ASCC1: variants seen among roughly 807,000 people sequenced by gnomAD.
ASCC1 encodes the protein activating signal cointegrator 1 complex subunit 1, also known as ASC-1 complex subunit P50.
Under a neutral mutation model 46.6 loss-of-function variants are expected in ASCC1, and 35 were observed. That is an observed-to-expected ratio of 0.75 (90% CI 0.57 to 0.99). The LOEUF (loss-of-function observed/expected upper bound fraction) is 0.99. Among genes scored for constraint, ASCC1 ranks in the 50% least tolerant of loss-of-function variants. The pLI, the probability that ASCC1 is intolerant of heterozygous loss-of-function variation, is 0.00. For synonymous variants in ASCC1, 143 were observed against 146.6 expected (o/e 0.98, Z 0.18); for missense variants, 376 against 428.7 (o/e 0.88, Z 1.09).
chr10:72,100,791 C>A (rs147260120), intron 9 of ASCC1, among the ~76,000 whole-genome samples: 3 of 152,230 alleles, frequency 2.0e-5, no homozygotes, highest in East Asian at 3.8e-4. Flanking sequence ...TCCTACTGTA[C>A]TGTAACATTA....
intron 3 of ASCC1, among the ~76,000 whole-genome samples, chr10:72,209,801 T>C (rs1857787951): frequency 6.6e-6 from 1 of 150,906 alleles, no homozygotes; most frequent in South Asian, 2.1e-4. Flanking sequence ...ATAAATAAAT[T>C]AAATAAATTA....
chr10:72,207,829 T>G (rs1292906779), intron 3 of ASCC1, among the ~76,000 whole-genome samples: 4 of 144,978 alleles, frequency 2.8e-5, no homozygotes, highest in African/African-American at 2.5e-5. Flanking sequence ...TTTTTTTTTT[T>G]GACACAGGAT....
chr10:72,189,622 G>T (rs1049492880), intron 5 of ASCC1, among the ~76,000 whole-genome samples: 5 of 151,736 alleles, frequency 3.3e-5, no homozygotes, highest in Non-Finnish European at 7.4e-5. Context: ...GACCAATATG[G>T]AGAAACCCCA....
intron 9 of ASCC1, among the ~76,000 whole-genome samples, chr10:72,101,555 G>T (rs928587660): frequency 6.6e-6 from 1 of 152,074 alleles, no homozygotes; most frequent in Non-Finnish European, 1.5e-5. Flanking sequence ...TGTTTGGAAG[G>T]TTCCTAGAGT....
chr10:72,158,579 C>T (rs1349671239), intron 6 of ASCC1, among the ~76,000 whole-genome samples: 2 of 152,196 alleles, frequency 1.3e-5, no homozygotes, highest in Non-Finnish European at 2.9e-5. Flanking sequence ...AAACAAAACT[C>T]CTGTTTTTGG....
intron 5 of ASCC1, chr10:72,189,885 ATAAGAT>A: frequency 1.6e-6 from 1 of 624,412 alleles, no homozygotes; most frequent in Admixed American, 2.5e-5. Flanking sequence ...TGTCTTCACT[ATAAGAT>A]TAAGAAAGTA....
At position 72,096,897 on chromosome 10, in the gene ASCC1, G is replaced by C. The variant is rs770283454; in HGVS notation, c.*437C>G. The C allele has an allele frequency of 2.2e-6, 1 of 454,068 alleles. No homozygotes were observed. Among genetic ancestry groups the C allele is most frequent in the Non-Finnish European group, 4.4e-6 (1 of 226,792 alleles). 28.1% of individuals were successfully genotyped at this position (454,068 alleles called of 1,614,324 possible). On this transcript the variant is annotated 3_prime_UTR_variant, in exon 10 of 10. Coordinates refer to ENST00000672957, the MANE Select transcript of ASCC1 (RefSeq NM_001198800.3). ...AGACAGAAAGCAGAATGGTGGCTGCGGGGGCTGGGAGGAGTGGGAATTACT... is the reference window on the plus strand; with the variant it reads ...AGACAGAAAGCAGAATGGTGGCTGCCGGGGCTGGGAGGAGTGGGAATTACT...
intron 7 of ASCC1, among the ~76,000 whole-genome samples, chr10:72,146,408 G>A (rs1253584485): frequency 6.6e-6 from 1 of 152,220 alleles, no homozygotes; most frequent in Non-Finnish European, 1.5e-5. Context: ...AGTCTCATCA[G>A]AGTGAACGTT....
At chr10:72,137,989 C>T (rs928431608) in intron 7 of ASCC1, among the ~76,000 whole-genome samples, 1 of 152,064 alleles carries the variant, frequency 6.6e-6, no homozygotes, top group African/African-American at 2.4e-5. Flanking sequence ...CTCAGTCTCC[C>T]GAGTAGCTGG....
At chr10:72,111,835 G>A (rs191431800) in intron 9 of ASCC1, among the ~76,000 whole-genome samples, 9 of 152,218 alleles carry the variant, frequency 5.9e-5, no homozygotes, top group African/African-American at 2.2e-4. Context: ...GTAGAGACGG[G>A]GTTTCACTGT....
intron 5 of ASCC1, among the ~76,000 whole-genome samples, chr10:72,173,759 T>C (rs1036940609): frequency 1.3e-5 from 2 of 152,190 alleles, no homozygotes; most frequent in African/African-American, 4.8e-5. Context: ...GAATATATCA[T>C]CATATTCCTG....
chr10:72,206,346 G>A (rs1348224543), intron 3 of ASCC1, among the ~76,000 whole-genome samples: 1 of 152,140 alleles, frequency 6.6e-6, no homozygotes, highest in Non-Finnish European at 1.5e-5. Flanking sequence ...AGAGGTTGTG[G>A]TGAGCCGAGA....
intron 9 of ASCC1, among the ~76,000 whole-genome samples, chr10:72,118,640 A>C (rs764780182): frequency 6.6e-6 from 1 of 150,782 alleles, no homozygotes; most frequent in Non-Finnish European, 1.5e-5. Context: ...TTAGCCGGTC[A>C]TGGTGGTGCA....
At chr10:72,216,858 ATTTG>A (rs1283055012), upstream of ASCC1, 13 of 456,036 alleles carry the variant, frequency 2.9e-5, no homozygotes, top group Middle Eastern at 3.2e-4. Context: ...CATCATCAGT[ATTTG>A]TTTGACAAAA....
chr10:72,107,451 G>A (rs889489545), intron 9 of ASCC1, among the ~76,000 whole-genome samples: 28 of 152,088 alleles, frequency 1.8e-4, no homozygotes, highest in African/African-American at 6.3e-4. Context: ...GACCAAATGT[G>A]GGAGGTAGGA....
intron 3 of ASCC1, chr10:72,204,582 T>C: frequency 6.7e-7 from 1 of 1,502,058 alleles, no homozygotes; most frequent in Non-Finnish European, 8.9e-7. Context: ...AGTTAAGAAC[T>C]CCTTGTCATC....
chr10:72,164,800 T>TA lies in ASCC1; in HGVS notation c.490-3127dup, dbSNP rs1206015514. ...CACATCTTCACTGACACTTGCTTTT[T>TA]AAAAAAATGATAGCGATCCTTGTGG... On this transcript the variant is annotated intron_variant, in intron 5 of 9. Coordinates refer to ENST00000672957, the MANE Select transcript of ASCC1 (RefSeq NM_001198800.3). Among the ~76,000 whole-genome samples, 5 of 152,134 alleles carry TA rather than the reference T, an allele frequency of 3.3e-5. No homozygotes were observed. In the South Asian group the frequency reaches 8.3e-4, roughly 25 times the overall value.
At chr10:72,133,259 T>C (rs943305688) in intron 7 of ASCC1, 78 bp from the exon 8 acceptor site, 19 of 1,453,584 alleles carry the variant, frequency 1.3e-5, no homozygotes, top group South Asian at 2.3e-5. Flanking sequence ...ACAATGTTTA[T>C]GGAGCATGTG....
rs147475804 is a variant in ASCC1 at position 72,177,250 on chromosome 10, T to C, written c.490-15576A>G. ...CTTTCCTACCCAACTTGGTAGGTTT[T>C]ACAATCAGAACTTGGGGCTTTTTAC... On this transcript the variant is annotated intron_variant, in intron 5 of 9. Coordinates refer to ENST00000672957, the MANE Select transcript of ASCC1 (RefSeq NM_001198800.3). Among the ~76,000 whole-genome samples, 599 of 152,296 alleles carry C rather than the reference T, an allele frequency of 3.9e-3. 2 individuals carry two copies. The highest frequency in any genetic ancestry group is 0.024 in the Middle Eastern group (7 of 294).
Sources: allele counts gnomAD v4.1 joint callset (sites outside exome capture counted in the v4.1 genomes callset), GRCh38; gene constraint gnomAD v4.1.1; transcripts MANE v1.5; gene names NCBI Gene and HGNC (gene_info 2026-07-23, HGNC 2026-07-21).